ARSG: variants seen among roughly 807,000 people sequenced by gnomAD.
The protein encoded by ARSG is ASG.
Under a neutral mutation model 50.5 loss-of-function variants are expected in ARSG, and 37 were observed. The ratio of observed to expected loss-of-function variants is 0.73; its 90% confidence interval spans 0.56 to 0.96. ARSG has a LOEUF of 0.96. Ranked by LOEUF, ARSG falls within the 50% of genes least tolerant of loss-of-function variation. ARSG has a pLI of 0.00. For missense variants in ARSG, 629 were observed against 675.3 expected (o/e 0.93, Z 0.76); for synonymous variants, 225 against 254.6 (o/e 0.88, Z 1.11).
intron 2 of ARSG, among the ~76,000 whole-genome samples, chr17:68,326,526 G>A (rs1249456340): frequency 2.6e-5 from 4 of 152,164 alleles, no homozygotes; most frequent in Non-Finnish European, 4.4e-5. Context: ...TTAGCCAGGC[G>A]TGGTGGCCCA....
chr17:68,388,922 C>CAAAAAAAAAA (rs35105754), intron 9 of ARSG, among the ~76,000 whole-genome samples: 1 of 108,064 alleles, frequency 9.3e-6, no homozygotes, highest in African/African-American at 3.6e-5. Context: ...GACTCTGTCT[C>CAAAAAAAAAA]AAAAAAAAAA....
At chr17:68,278,398 C>T in intron 1 of ARSG, 1 of 925,306 alleles carries the variant, frequency 1.1e-6, no homozygotes, top group East Asian at 2.6e-5. Context: ...TACTCTTAAG[C>T]AAACAACAGA....
chr17:68,370,805 A>C (rs1024514502), intron 8 of ARSG, among the ~76,000 whole-genome samples: 4 of 152,172 alleles, frequency 2.6e-5, no homozygotes, highest in African/African-American at 4.8e-5. Context: ...GTCTACCTAC[A>C]AACATTCCAA....
chr17:68,363,612 C>T (rs1254676578), intron 6 of ARSG, among the ~76,000 whole-genome samples: 1 of 152,112 alleles, frequency 6.6e-6, no homozygotes, highest in Non-Finnish European at 1.5e-5. Flanking sequence ...GGATTACAGG[C>T]ATGCACCACC....
intron 10 of ARSG, among the ~76,000 whole-genome samples, chr17:68,396,394 CCT>C (rs2081252010): frequency 2.6e-5 from 4 of 152,178 alleles, no homozygotes; most frequent in Admixed American, 2.6e-4. Context: ...CTCAATGTCC[CCT>C]GTTTGCACTC....
chr17:68,298,731 C>T (rs1314494589), intron 1 of ARSG, among the ~76,000 whole-genome samples: 1 of 152,048 alleles, frequency 6.6e-6, no homozygotes, highest in Non-Finnish European at 1.5e-5. Flanking sequence ...GGTGAGGGCT[C>T]TCTTCCTGGC....
chr17:68,339,777 T>C (rs919613371), intron 2 of ARSG, among the ~76,000 whole-genome samples: 1 of 152,240 alleles, frequency 6.6e-6, no homozygotes, highest in African/African-American at 2.4e-5. Context: ...AAACTTCATC[T>C]TGCATCCCAT....
At chr17:68,342,397 A>G (rs2078310505) in intron 2 of ARSG, among the ~76,000 whole-genome samples, 1 of 148,432 alleles carries the variant, frequency 6.7e-6, no homozygotes, top group Non-Finnish European at 1.5e-5. Flanking sequence ...TCTGTCACCC[A>G]GGCTGGAGTG....
intron 5 of ARSG, among the ~76,000 whole-genome samples, chr17:68,354,567 T>C (rs2078950611): frequency 6.6e-6 from 1 of 152,038 alleles, no homozygotes; most frequent in African/African-American, 2.4e-5. Flanking sequence ...ATGCGATTAG[T>C]GTTCTAATGC....
intron 3 of ARSG, chr17:68,346,703 C>G: frequency 8.2e-7 from 1 of 1,221,174 alleles, no homozygotes; most frequent in Non-Finnish European, 1.0e-6. Context: ...TGAAACCAGG[C>G]AGGAAGCGGG....
intron 1 of ARSG, among the ~76,000 whole-genome samples, chr17:68,305,848 C>T (rs2076585812): frequency 6.6e-6 from 1 of 151,956 alleles, no homozygotes; most frequent in Non-Finnish European, 1.5e-5. Flanking sequence ...CCAAGGCGGG[C>T]AGATCACTTG....
intron 1 of ARSG, among the ~76,000 whole-genome samples, chr17:68,295,849 T>C (rs1189537990): frequency 6.6e-6 from 1 of 151,806 alleles, no homozygotes; most frequent in South Asian, 2.1e-4. Context: ...CTGGCTAATT[T>C]TTGTACTTTT....
intron 11 of ARSG, among the ~76,000 whole-genome samples, chr17:68,416,997 G>A (rs901677860): frequency 1.3e-5 from 2 of 152,130 alleles, no homozygotes; most frequent in African/African-American, 4.8e-5. Flanking sequence ...TCTTGGTTTG[G>A]ATCCATTGCT....
intron 4 of ARSG, among the ~76,000 whole-genome samples, chr17:68,348,174 C>A (rs1466233731): frequency 1.3e-5 from 2 of 152,208 alleles, no homozygotes; most frequent in African/African-American, 4.8e-5. Flanking sequence ...GCATCATCCA[C>A]ACATGCTTTA....
chr17:68,421,496 G>T, downstream of ARSG: 2 of 426,164 alleles, frequency 4.7e-6, no homozygotes, highest in Non-Finnish European at 8.6e-6. Flanking sequence ...ATAAAATTCC[G>T]GTTATATACC....
the ARSG span, among the ~76,000 whole-genome samples, chr17:68,445,118 C>A: frequency 1.3e-5 from 2 of 152,060 alleles, no homozygotes; most frequent in Admixed American, 6.6e-5. Context: ...CGGGGTTTCA[C>A]CATGTTGATC....
intron 3 of ARSG, chr17:68,346,743 C>G: frequency 7.8e-7 from 1 of 1,282,412 alleles, no homozygotes; most frequent in South Asian, 1.3e-5. Flanking sequence ...GGCGGTGCAC[C>G]TGCACCCTGG....
chr17:68,352,119 G>GAGAGAGAGAGAGAGAGAGGAGA (rs1555779523), intron 5 of ARSG, among the ~76,000 whole-genome samples: 3 of 73,000 alleles, frequency 4.1e-5, no homozygotes, highest in Admixed American at 1.5e-4. Flanking sequence ...GAGAGACAGA[G>GAGAGAGAGAGAGAGAGAGGAGA]GAGAGAGAGA....
chr17:68,321,947 G>A (rs79730123), intron 2 of ARSG, among the ~76,000 whole-genome samples: 28 of 152,288 alleles, frequency 1.8e-4, no homozygotes, highest in African/African-American at 6.5e-4. Flanking sequence ...CAACTAAATG[G>A]AGACAGTGGC....
Sources: allele counts gnomAD v4.1 joint callset (sites outside exome capture counted in the v4.1 genomes callset), GRCh38; gene constraint gnomAD v4.1.1; transcripts MANE v1.5; gene names NCBI Gene and HGNC (gene_info 2026-07-23, HGNC 2026-07-21).